CCDC82: variants seen among roughly 807,000 people sequenced by gnomAD.
The protein encoded by CCDC82 is coiled-coil domain-containing protein 82.
Under a neutral mutation model 60.6 loss-of-function variants are expected in CCDC82, and 47 were observed. That is an observed-to-expected ratio of 0.77 (90% CI 0.61 to 0.99). The LOEUF is 0.99. Among genes scored for constraint, CCDC82 ranks in the 50% least tolerant of loss-of-function variants. The pLI, the probability that CCDC82 is intolerant of heterozygous loss-of-function variation, is 0.00. For missense variants in CCDC82, 588 were observed against 633.0 expected, an observed-to-expected ratio of 0.93 and a Z score of 0.76; for synonymous variants, 212 against 207.4, an observed-to-expected ratio of 1.02 and a Z score of -0.19.
At chr11:96,356,966 T>C (rs1190135668) in intron 9 of CCDC82, 4 of 985,144 alleles carry the variant, frequency 4.1e-6, no homozygotes, top group Non-Finnish European at 4.8e-6. Flanking sequence ...TTGACATAAA[T>C]GGGAAATATG....
chr11:96,355,899 G>A (rs1040231638), intron 9 of CCDC82: 1 of 152,164 alleles, frequency 6.6e-6, no homozygotes, highest in African/African-American at 2.4e-5. Flanking sequence ...AAAACAGTTG[G>A]AATTGTGGAA....
At position 96,364,979 on chromosome 11, in the gene CCDC82, C is replaced by G; in HGVS notation, c.1380+1G>C. Reference sequence around the variant, plus strand: ...AATTAAGATTAGAGGGAAGAAAATACCTGTTTATCATGTGACATGAAATTA... The same window carrying G: ...AATTAAGATTAGAGGGAAGAAAATAGCTGTTTATCATGTGACATGAAATTA... On this transcript the variant is annotated splice_donor_variant, in intron 8 of 9. Transcript: ENST00000646818. LOFTEE classifies it high-confidence loss of function. 6.3e-7 allele frequency: 1 copy of G among 1,591,534 alleles called. No homozygotes were observed. The highest frequency in any genetic ancestry group is 8.5e-7 in the Non-Finnish European group (1 of 1,171,720).
chr11:96,387,947 A>G (rs901103014), intron 1 of CCDC82: 1 of 152,244 alleles, frequency 6.6e-6, no homozygotes, highest in African/African-American at 2.4e-5. Context: ...GATGAGAAAC[A>G]TATTTTGGAA....
chr11:96,368,353 G>A (rs886097903), intron 7 of CCDC82, among the ~76,000 whole-genome samples: 4 of 152,034 alleles, frequency 2.6e-5, no homozygotes, highest in African/African-American at 9.7e-5. Flanking sequence ...AGTAAACTAT[G>A]CTATAAACAG....
At position 96,384,432 on chromosome 11, in the gene CCDC82, C is replaced by T. The variant is rs771113136; in HGVS notation, c.316G>A (p.Gly106Ser). The stretch of plus-strand genomic sequence containing the variant: ...TTCGTTTCTTCTTCATATGTTGAAC[C>T]GTTGCCAGAGTTAATGAGACACTTA... The part of the protein sequence containing the change: ...DSKCLINSGN[G>S]STYEEETNKI... Residue 106 changes from glycine (G) to serine (S), a missense_variant, in exon 4 of 10, where the codon GGT (glycine) becomes AGT (serine). Coordinates refer to ENST00000646818, the MANE Select transcript of CCDC82 (RefSeq NM_024725.4). The T allele has an allele frequency of 6.5e-5, 105 of 1,613,534 alleles. 1 individual carries two copies. Among genetic ancestry groups the T allele is most frequent in the South Asian group, 3.3e-4 (30 of 91,066 alleles).
Position 96,382,911 on chromosome 11 carries a change from G to C in CCDC82, c.991+358C>G, listed in dbSNP as rs180874520. The C allele has an allele frequency of 4.1e-5, 7 of 169,092 alleles. No homozygotes were observed. In the East Asian group the frequency reaches 9.7e-4, roughly 23 times the overall value. 10.5% of individuals were successfully genotyped at this position (169,092 alleles called of 1,614,324 possible). On this transcript the variant is annotated intron_variant, in intron 5 of 9. Transcript: ENST00000646818. Reference sequence around the variant, plus strand: ...AAACAATGCCATTTATCACATTTTGGGGAAAAATATAGTTACTTTTCATAA... The same window carrying C: ...AAACAATGCCATTTATCACATTTTGCGGAAAAATATAGTTACTTTTCATAA...
intron 9 of CCDC82, chr11:96,357,574 T>G (rs1429961384): frequency 1.0e-6 from 1 of 985,096 alleles, no homozygotes; most frequent in Non-Finnish European, 1.2e-6. Flanking sequence ...TTGGAAATGC[T>G]TTTTTCTTCA....
chr11:96,354,873 G>C (rs1012103377), intron 9 of CCDC82: 2 of 152,192 alleles, frequency 1.3e-5, no homozygotes, highest in African/African-American at 4.8e-5. Flanking sequence ...TGAAATGAGA[G>C]AGGATCCTGG....
At chr11:96,356,939 T>C in intron 9 of CCDC82, 3 of 985,384 alleles carry the variant, frequency 3.0e-6, no homozygotes, top group Non-Finnish European at 3.6e-6. Context: ...ATAGTACGTG[T>C]AAGGCAACAA....
In CCDC82 at chr11:96,365,124, T is replaced by C; in HGVS notation, c.1236A>G (p.Val412=). ...YKERVENYSN[V]SIHLKNPENC... ...TTTCAGGATTCTTCAAATGAATACTTACATTAGAATAATTTTCTACTCGCT... is the reference window on the plus strand; with the variant it reads ...TTTCAGGATTCTTCAAATGAATACTCACATTAGAATAATTTTCTACTCGCT... Residue 412 remains valine, a synonymous_variant, in exon 8 of 10, where the codon GTA becomes GTG. Coordinates refer to ENST00000646818, the MANE Select transcript of CCDC82 (RefSeq NM_024725.4). 6.3e-7 allele frequency: 1 copy of C among 1,576,680 alleles called. No homozygotes were observed. The highest frequency in any genetic ancestry group is 8.6e-7 in the Non-Finnish European group (1 of 1,162,498).
At chr11:96,371,827 C>T (rs948914942) in intron 6 of CCDC82, among the ~76,000 whole-genome samples, 2 of 152,118 alleles carry the variant, frequency 1.3e-5, no homozygotes, top group African/African-American at 4.8e-5. Flanking sequence ...TCTAGCTAGG[C>T]GTTTTCCTCA....
At chr11:96,377,153 G>T (rs1865617606) in intron 5 of CCDC82, among the ~76,000 whole-genome samples, 1 of 152,126 alleles carries the variant, frequency 6.6e-6, no homozygotes, top group African/African-American at 2.4e-5. Flanking sequence ...AGTGTATGAG[G>T]CAGAGGCAGA....
In CCDC82 at chr11:96,364,984, T is replaced by C. The variant is rs151240727; in HGVS notation, c.1376A>G (p.Lys459Arg). The change falls in exon 8 of 10, where the codon AAA becomes AGA. Residue 459 changes from lysine to arginine, a missense_variant. Lys to Arg is a conservative substitution (Grantham distance 26). Transcript: ENST00000646818. The part of the protein sequence containing the change: ...MQIDNFMSHD[K>R]QVFTVGRICA... ...AGATTAGAGGGAAGAAAATACCTGT[T>C]TATCATGTGACATGAAATTATCTAT... 122 of 1,597,740 alleles carry C rather than the reference T, an allele frequency of 7.6e-5. No individual in the cohort carries two copies. The highest frequency in any genetic ancestry group is 9.8e-5 in the Non-Finnish European group (115 of 1,174,626).
chr11:96,358,240 T>C (rs538572192), intron 9 of CCDC82: 188 of 1,049,468 alleles, frequency 1.8e-4, no homozygotes, highest in Non-Finnish European at 2.0e-4. Context: ...TTGTTCTCTC[T>C]TATACATTCA....
intron 5 of CCDC82, among the ~76,000 whole-genome samples, chr11:96,375,133 G>A (rs550796302): frequency 6.6e-6 from 1 of 152,270 alleles, no homozygotes; most frequent in South Asian, 2.1e-4. Context: ...AAGAGAAACT[G>A]GGACTATTAA....
rs1866066293 is a variant in CCDC82, at chr11:96,384,406, G to C, written c.342C>G (p.Asn114Lys). 6.2e-7 allele frequency: 1 copy of C among 1,613,498 alleles called. No homozygotes were observed. The highest frequency in any genetic ancestry group is 1.1e-5 in the South Asian group (1 of 91,072). The change falls in exon 4 of 10, where the codon AAC becomes AAG. Residue 114 changes from asparagine (N) to lysine (K), a missense_variant. Coordinates refer to ENST00000646818, the MANE Select transcript of CCDC82 (RefSeq NM_024725.4). Reference sequence around the variant, plus strand: ...AGTCAATATTCCTATGTTTGATTTTGTTCGTTTCTTCTTCATATGTTGAAC... The same window carrying C: ...AGTCAATATTCCTATGTTTGATTTTCTTCGTTTCTTCTTCATATGTTGAAC... ...GNGSTYEEETNKIKHRNIDLQ... is the reference protein window; with the variant it reads ...GNGSTYEEETKKIKHRNIDLQ...
At chr11:96,382,449 T>C (rs1427444003) in intron 5 of CCDC82, 2 of 151,806 alleles carry the variant, frequency 1.3e-5, no homozygotes, top group African/African-American at 2.4e-5. Context: ...TTAATGAATA[T>C]AATTAAAAAT....
chr11:96,380,933 T>A (rs929180931), intron 5 of CCDC82: 1 of 151,634 alleles, frequency 6.6e-6, no homozygotes, highest in African/African-American at 2.4e-5. Flanking sequence ...TCAAAACCCA[T>A]AAAAGGTACT....
intron 8 of CCDC82, chr11:96,363,323 A>G (rs1461431702): frequency 6.6e-6 from 1 of 152,104 alleles, no homozygotes; most frequent in Non-Finnish European, 1.5e-5. Context: ...CCTTCTTTAC[A>G]TATATGCATT....
Sources: allele counts gnomAD v4.1 joint callset (sites outside exome capture counted in the v4.1 genomes callset), GRCh38; gene constraint gnomAD v4.1.1; transcripts MANE v1.5; gene names NCBI Gene and HGNC (gene_info 2026-07-23, HGNC 2026-07-21).